BEST1: variants seen among roughly 807,000 people sequenced by gnomAD.
BEST1 encodes the protein bestrophin 1.
A neutral mutation model predicts 63.3 loss-of-function variants in BEST1; 58 were observed. The observed-to-expected ratio is 0.92, with a 90% CI of 0.74 to 1.14. The LOEUF (loss-of-function observed/expected upper bound fraction) is 1.14. Among genes scored for constraint, BEST1 ranks in the 50% most tolerant of loss-of-function variants. The pLI, the probability that BEST1 is intolerant of heterozygous loss-of-function variation, is 0.00. For missense variants in BEST1, 671 were observed against 740.1 expected, an observed-to-expected ratio of 0.91 and a Z score of 1.08; for synonymous variants, 283 against 291.6, an observed-to-expected ratio of 0.97 and a Z score of 0.30.
At position 61,955,945 on chromosome 11, in the gene BEST1, C is replaced by T. The variant is rs1174029281; in HGVS notation, c.475C>T (p.Gln159Ter). 23 of 1,547,278 alleles carry T rather than the reference C, an allele frequency of 1.5e-5. No homozygotes were observed. The highest frequency in any genetic ancestry group is 1.9e-5 in the Non-Finnish European group (22 of 1,145,040). Residue 159 changes from glutamine to a stop codon, truncating the protein, a stop_gained, in exon 4 of 11, where the codon CAA (glutamine) becomes TAA (stop). Transcript: ENST00000378043. LOFTEE classifies it high-confidence loss of function. ...KRFPSAQHLVQAGFMTPAEHK... is the reference protein window; with the variant it reads ...KRFPSAQHLV ...CTTCCCCAGCGCCCAGCACCTGGTGCAAGCAGGTGGGCGGACCGGGAGCAA... is the reference window on the plus strand; with the variant it reads ...CTTCCCCAGCGCCCAGCACCTGGTGTAAGCAGGTGGGCGGACCGGGAGCAA...
downstream of BEST1, chr11:61,964,820 C>T (rs1255671321): frequency 1.2e-6 from 2 of 1,600,618 alleles, no homozygotes; most frequent in African/African-American, 1.3e-5. Context: ...GCAAGTTGGT[C>T]ACGTGGTCAC....
At chr11:61,963,921 C>T in intron 10 of BEST1, 183 bp from the exon 11 acceptor site, 2 of 1,412,534 alleles carry the variant, frequency 1.4e-6, no homozygotes, top group Non-Finnish European at 1.9e-6. Flanking sequence ...TTGCTTGAAC[C>T]CAGGAGGTGG....
Position 61,962,527 on chromosome 11 carries a change from T to G in BEST1, c.1373T>G (p.Leu458Arg), listed in dbSNP as rs1329002281. The G allele has an allele frequency of 1.9e-5, 31 of 1,614,068 alleles. No homozygotes were observed. The highest frequency in any genetic ancestry group is 2.4e-5 in the Non-Finnish European group (28 of 1,180,040). Residue 458 changes from leucine to arginine, a missense_variant, in exon 10 of 11, where the codon CTG (leucine) becomes CGG (arginine). By Grantham distance (102) the Leu-to-Arg change is moderately radical (BLOSUM62 -2). Coordinates refer to ENST00000378043, the MANE Select transcript of BEST1 (RefSeq NM_004183.4). ...KAVDAFKSAPLYQRPGYYSAP... is the reference protein window; with the variant it reads ...KAVDAFKSAPRYQRPGYYSAP... The stretch of plus-strand genomic sequence containing the variant: ...GTGGACGCCTTCAAGTCTGCCCCAC[T>G]GTATCAGAGGCCAGGCTACTACAGT...
chr11:61,951,129 C>T (rs1483621680), intron 1 of BEST1, among the ~76,000 whole-genome samples: 1 of 152,228 alleles, frequency 6.6e-6, no homozygotes, highest in Non-Finnish European at 1.5e-5. Flanking sequence ...GGGCTGAGAA[C>T]ACTGCCTAGC....
rs558634295 is a variant in BEST1 at position 61,959,796 on chromosome 11, C to G, written c.949-96C>G. ...TTTCACAGGCAGGGAAACTGAGGTCCAGAGAGAGGGAGAGATTCCTCCAAG... is the reference window on the plus strand; with the variant it reads ...TTTCACAGGCAGGGAAACTGAGGTCGAGAGAGAGGGAGAGATTCCTCCAAG... On this transcript the variant is annotated intron_variant, in intron 8 of 10. Coordinates refer to ENST00000378043, the MANE Select transcript of BEST1 (RefSeq NM_004183.4). 3.9e-6 allele frequency: 6 copies of G among 1,541,230 alleles called. No homozygotes were observed. The African/African-American group carries it at 8.2e-5, about 21-fold the overall frequency.
intron 9 of BEST1, 84 bp from the exon 10 acceptor site, chr11:61,962,171 G>C: frequency 6.7e-7 from 1 of 1,488,926 alleles, no homozygotes; most frequent in Non-Finnish European, 9.3e-7. Flanking sequence ...AACTGAGAGA[G>C]AGGAGCGGGG....
At chr11:61,963,093 C>A (rs1409185324) in intron 10 of BEST1, 200 bp downstream of exon 10, 1 of 1,469,010 alleles carries the variant, frequency 6.8e-7, no homozygotes, top group African/African-American at 1.4e-5. Flanking sequence ...GGGACCTTTT[C>A]TCACTTCACC....
At chr11:61,954,297 A>C (rs920317753) in intron 2 of BEST1, among the ~76,000 whole-genome samples, 4 of 151,960 alleles carry the variant, frequency 2.6e-5, no homozygotes, top group African/African-American at 9.7e-5. Flanking sequence ...ACAGTGACAC[A>C]TCACTATCAC....
chr11:61,958,610 C>T (rs1941660465), intron 7 of BEST1: 1 of 642,368 alleles, frequency 1.6e-6, no homozygotes, highest in Non-Finnish European at 2.7e-6. Context: ...AAGCCCCTGC[C>T]CTTTAGAAGG....
At chr11:61,952,025 GC>G in intron 2 of BEST1, 67 bp downstream of exon 2, 1 of 1,560,456 alleles carries the variant, frequency 6.4e-7, no homozygotes, top group South Asian at 1.1e-5. Context: ...GCTCCTGGGG[GC>G]CTCCCAGCCA....
chr11:61,963,930 G>A lies in BEST1; in HGVS notation c.1740-174G>A, dbSNP rs893492977. The A allele has an allele frequency of 2.8e-6, 4 of 1,429,886 alleles. No homozygotes were observed. In the African/African-American group the frequency reaches 4.3e-5, roughly 15 times the overall value. 88.6% of individuals were successfully genotyped at this position (1,429,886 alleles called of 1,614,324 possible). A position where few individuals can be genotyped will look rare whatever the true frequency, so the allele number is the denominator to read the frequency against. On this transcript the variant is annotated intron_variant, in intron 10 of 10. Transcript: ENST00000378043. Reference sequence around the variant, plus strand: ...GGAGAATTGCTTGAACCCAGGAGGTGGTGGTTGCAGTGAGATTGAGCAACT... The same window carrying A: ...GGAGAATTGCTTGAACCCAGGAGGTAGTGGTTGCAGTGAGATTGAGCAACT...
chr11:61,953,916 A>G (rs1940988375), intron 2 of BEST1, among the ~76,000 whole-genome samples: 1 of 150,788 alleles, frequency 6.6e-6, no homozygotes, highest in African/African-American at 2.4e-5. Context: ...CAAACAAACA[A>G]AAACCAATAA....
At chr11:61,961,891 C>T in intron 9 of BEST1, 2 of 294,978 alleles carry the variant, frequency 6.8e-6, no homozygotes, top group East Asian at 1.5e-4. Flanking sequence ...CAGAGTCACT[C>T]ATGGGCCTCA....
At chr11:61,950,715 A>G (rs1447322788) in intron 1 of BEST1, among the ~76,000 whole-genome samples, 2 of 152,186 alleles carry the variant, frequency 1.3e-5, no homozygotes, top group African/African-American at 4.8e-5. Flanking sequence ...ACACAAGAGG[A>G]GCTTCCATTC....
Position 61,964,353 on chromosome 11 carries a change from T to C in BEST1, c.*231T>C, listed in dbSNP as rs2134481939. 2.4e-6 allele frequency: 2 copies of C among 847,688 alleles called. No individual in the cohort carries two copies. Among genetic ancestry groups the C allele is most frequent in the East Asian group, 5.3e-5 (2 of 37,518 alleles). 52.5% of individuals were successfully genotyped at this position (847,688 alleles called of 1,614,324 possible). On this transcript the variant is annotated 3_prime_UTR_variant, in exon 11 of 11. Transcript: ENST00000378043. ...GACTGAACCATTGGAAACATTTAAC[T>C]CAGACTCTGGATTCAGAGTCGGGAA...
At chr11:61,958,420 C>A in intron 7 of BEST1, 122 bp downstream of exon 7, 2 of 1,556,656 alleles carry the variant, frequency 1.3e-6, no homozygotes, top group East Asian at 2.4e-5. Flanking sequence ...AGCAGCCAGG[C>A]GTGGTGGCGC....
chr11:61,962,233 T>C, intron 9 of BEST1, 22 bp from the exon 10 acceptor site: 1 of 1,613,016 alleles, frequency 6.2e-7, no homozygotes, highest in East Asian at 2.2e-5. Flanking sequence ...GGCTCAGCCC[T>C]GCATCTCCTG....
chr11:61,962,351 T>C lies in BEST1; in HGVS notation c.1197T>C (p.His399=). ...IIGRFLGLQS[H]DHHPPRANSR... The stretch of plus-strand genomic sequence containing the variant: ...GCCGCTTCCTAGGCCTGCAGTCCCA[T>C]GATCACCATCCTCCCAGGGCAAACT... The change falls in exon 10 of 11, where the codon CAT becomes CAC. Residue 399 remains histidine, a synonymous_variant. Transcript: ENST00000378043. 1 of 1,614,144 alleles carries C rather than the reference T, an allele frequency of 6.2e-7. No individual in the cohort carries two copies. Among genetic ancestry groups the C allele is most frequent in the South Asian group, 1.1e-5 (1 of 91,080 alleles).
chr11:61,963,044 A>G (rs1942245657), intron 10 of BEST1, 151 bp downstream of exon 10: 2 of 1,526,424 alleles, frequency 1.3e-6, no homozygotes, highest in South Asian at 2.5e-5. Flanking sequence ...CTTGGGGTAT[A>G]TACTTGGCCA....
Sources: allele counts gnomAD v4.1 joint callset (sites outside exome capture counted in the v4.1 genomes callset), GRCh38; gene constraint gnomAD v4.1.1; transcripts MANE v1.5; gene names NCBI Gene and HGNC (gene_info 2026-07-23, HGNC 2026-07-21).